H1-8: variants seen among roughly 807,000 people sequenced by gnomAD.
The protein encoded by H1-8 is histone H1.8.
A neutral mutation model predicts 19.5 loss-of-function variants in H1-8; 13 were observed. That is an observed-to-expected ratio of 0.67 (90% CI 0.43 to 1.06). H1-8 has a LOEUF of 1.06. H1-8 is among the 50% of genes least tolerant of loss of function. The pLI, the probability that H1-8 is intolerant of heterozygous loss-of-function variation, is 0.00. For missense variants in H1-8, 432 were observed against 459.8 expected, an observed-to-expected ratio of 0.94 and a Z score of 0.55; for synonymous variants, 193 against 187.6, an observed-to-expected ratio of 1.03 and a Z score of -0.24.
intron 1 of H1-8, among the ~76,000 whole-genome samples, chr3:129,544,528 TG>T: frequency 7.5e-6 from 1 of 132,734 alleles, no homozygotes; most frequent in African/African-American, 2.9e-5. Context: ...GTATGGGCAG[TG>T]GGGGCATGGG....
intron 1 of H1-8, among the ~76,000 whole-genome samples, chr3:129,546,037 G>C (rs1177474467): frequency 1.3e-5 from 2 of 151,846 alleles, no homozygotes; most frequent in African/African-American, 4.8e-5. Context: ...AGCACTTTGG[G>C]AGACTGAGGT....
intron 1 of H1-8, 30 bp downstream of exon 1, chr3:129,543,336 T>TC: frequency 6.5e-7 from 1 of 1,539,904 alleles, no homozygotes; most frequent in East Asian, 2.3e-5. Context: ...TCCTCCCTCA[T>TC]CCCTGCGAGC....
rs142251271 is a variant in H1-8, at chr3:129,548,405, C to T, written c.379-596C>T. On this transcript the variant is annotated intron_variant, in intron 2 of 4. Coordinates refer to ENST00000324382, the MANE Select transcript of H1-8 (RefSeq NM_153833.3). ...GGACTTGCGTCACAGCAGGACCAGGCGGCTAAGCAGGGAGAAGAGCCAGAG... is the reference window on the plus strand; with the variant it reads ...GGACTTGCGTCACAGCAGGACCAGGTGGCTAAGCAGGGAGAAGAGCCAGAG... 735 of 986,590 alleles carry T rather than the reference C, an allele frequency of 7.4e-4. 8 individuals are homozygous for T. The African/African-American group carries it at 0.012, about 16-fold the overall frequency. The allele number at this position is 986,590 out of a possible 1,614,324, so 61.1% of individuals were successfully genotyped here.
At position 129,549,330 on chromosome 3, in the gene H1-8, G is replaced by A. The variant is rs2084916493; in HGVS notation, c.708G>A (p.Arg236=). The part of the protein sequence containing the change: ...RAPSSAGGLS[R]KAKAKGSRSS... ...CTTCCAGTGCTGGTGGGCTCAGCAG[G>A]AAGGCAAAGGCCAAAGGCAGCAGGA... Residue 236 remains arginine (R), a synonymous_variant, in exon 3 of 5, where the codon AGG becomes AGA. Coordinates refer to ENST00000324382, the MANE Select transcript of H1-8 (RefSeq NM_153833.3). 6.2e-7 allele frequency: 1 copy of A among 1,605,824 alleles called. No individual in the cohort carries two copies. The highest frequency in any genetic ancestry group is 8.5e-7 in the Non-Finnish European group (1 of 1,177,288).
In H1-8 at chr3:129,549,049, G is replaced by T. The variant is rs149670868; in HGVS notation, c.427G>T (p.Ala143Ser). ...AATCCAGCCCAGGAAGATGGCCCCC[G>T]CGACGGCTCCCAGGAGAGCGGGTGA... Reference protein sequence around the residue: ...KKIQPRKMAPATAPRRAGEAK... With the variant: ...KKIQPRKMAPSTAPRRAGEAK... The change falls in exon 3 of 5, where the codon GCG becomes TCG. Residue 143 changes from alanine to serine, a missense_variant. Transcript: ENST00000324382. 6.2e-7 allele frequency: 1 copy of T among 1,612,748 alleles called. No individual in the cohort carries two copies. The highest frequency in any genetic ancestry group is 1.3e-5 in the African/African-American group (1 of 74,832).
chr3:129,548,277 G>A (rs2084904994), intron 2 of H1-8: 1 of 956,552 alleles, frequency 1.0e-6, no homozygotes, highest in Non-Finnish European at 1.2e-6. Context: ...ATGGAATGCT[G>A]GGGAACATTC....
chr3:129,551,129 C>A lies in H1-8; in HGVS notation c.830C>A (p.Pro277Gln). ...ASKVKNGAAS[P>Q]TKKKVVAKAK... The stretch of plus-strand genomic sequence containing the variant: ...TAGGTCAAGAATGGTGCTGCTTCCC[C>A]GACCAAAAAGAAGGTGGTGGCCAAG... The change falls in exon 5 of 5, where the codon CCG (proline) becomes CAG (glutamine). Residue 277 changes from proline to glutamine, a missense_variant. Coordinates refer to ENST00000324382, the MANE Select transcript of H1-8 (RefSeq NM_153833.3). 3 of 1,613,908 alleles carry A rather than the reference C, an allele frequency of 1.9e-6. No individual in the cohort carries two copies. Among genetic ancestry groups the A allele is most frequent in the Non-Finnish European group, 2.5e-6 (3 of 1,179,974 alleles).
chr3:129,543,816 T>C (rs1191876966), intron 1 of H1-8, among the ~76,000 whole-genome samples: 2 of 152,242 alleles, frequency 1.3e-5, no homozygotes, highest in African/African-American at 4.8e-5. Flanking sequence ...CATGGCTTGT[T>C]GCTGTTTGCT....
At chr3:129,545,922 G>A (rs1000991740) in intron 1 of H1-8, among the ~76,000 whole-genome samples, 1 of 152,028 alleles carries the variant, frequency 6.6e-6, no homozygotes, top group Non-Finnish European at 1.5e-5. Context: ...GTGTGGACAT[G>A]CGTTTTCATT....
At chr3:129,550,250 A>C (rs1431897953) in intron 3 of H1-8, among the ~76,000 whole-genome samples, 1 of 152,156 alleles carries the variant, frequency 6.6e-6, no homozygotes, top group Non-Finnish European at 1.5e-5. Flanking sequence ...AAAAAATAAA[A>C]ATATTAGCTG....
In H1-8 at chr3:129,548,395, C is replaced by G. The variant is rs1345107694; in HGVS notation, c.379-606C>G. 3.0e-6 allele frequency: 3 copies of G among 986,586 alleles called. No individual in the cohort carries two copies. The East Asian group carries it at 3.4e-4, about 112-fold the overall frequency. The allele number at this position is 986,586 out of a possible 1,614,324, so 61.1% of individuals were successfully genotyped here. On this transcript the variant is annotated intron_variant, in intron 2 of 4. Coordinates refer to ENST00000324382, the MANE Select transcript of H1-8 (RefSeq NM_153833.3). ...GTCAGAGCCTGGACTTGCGTCACAGCAGGACCAGGCGGCTAAGCAGGGAGA... is the reference window on the plus strand; with the variant it reads ...GTCAGAGCCTGGACTTGCGTCACAGGAGGACCAGGCGGCTAAGCAGGGAGA...
rs569911795 is a variant in H1-8 at position 129,543,260 on chromosome 3, G to T, written c.42G>T (p.Ser14=). 2 of 1,613,664 alleles carry T rather than the reference G, an allele frequency of 1.2e-6. No individual in the cohort carries two copies. Among genetic ancestry groups the T allele is most frequent in the African/African-American group, 1.3e-5 (1 of 75,014 alleles). The change falls in exon 1 of 5, where the codon TCG becomes TCT. Residue 14 remains serine (S), a synonymous_variant. Coordinates refer to ENST00000324382, the MANE Select transcript of H1-8 (RefSeq NM_153833.3). ...GSVTSDISPS[S]TSTAGSSRSP... Reference sequence around the variant, plus strand: ...TCACCAGCGACATCTCACCCTCCTCGACTTCCACAGCAGGATCATCCAGGT... The same window carrying T: ...TCACCAGCGACATCTCACCCTCCTCTACTTCCACAGCAGGATCATCCAGGT...
intron 1 of H1-8, among the ~76,000 whole-genome samples, chr3:129,546,839 G>A (rs1367043007): frequency 6.6e-6 from 1 of 152,142 alleles, no homozygotes; most frequent in African/African-American, 2.4e-5. Context: ...CGGAGGTCCT[G>A]TAAACCCACA....
In H1-8 at chr3:129,549,380, G is replaced by T; in HGVS notation, c.742+16G>T. 3 of 1,555,242 alleles carry T rather than the reference G, an allele frequency of 1.9e-6. No individual in the cohort carries two copies. The highest frequency in any genetic ancestry group is 2.6e-6 in the Non-Finnish European group (3 of 1,155,518). On this transcript the variant is annotated intron_variant, in intron 3 of 4. Transcript: ENST00000324382. ...AGCAGCCAAGGTAGTTGTGTGACTT[G>T]TAGGGGGTGGTGTGGGGATGGGGGT...
chr3:129,547,513 G>A lies in H1-8; in HGVS notation c.211G>A (p.Gly71Ser). ...EALQAGEQRRGTSVAAIKLYI... is the reference protein window; with the variant it reads ...EALQAGEQRRSTSVAAIKLYI... ...GCTGCAGGCTGGGGAGCAGCGCCGG[G>A]GCACGTCGGTGGCAGCTATCAAGCT... Residue 71 changes from glycine to serine, a missense_variant, in exon 2 of 5, where the codon GGC (glycine) becomes AGC (serine). Coordinates refer to ENST00000324382, the MANE Select transcript of H1-8 (RefSeq NM_153833.3). 1 of 1,572,810 alleles carries A rather than the reference G, an allele frequency of 6.4e-7. No homozygotes were observed. Among genetic ancestry groups the A allele is most frequent in the Non-Finnish European group, 8.6e-7 (1 of 1,159,244 alleles).
chr3:129,543,440 C>T (rs1019618122), intron 1 of H1-8, 134 bp downstream of exon 1: 24 of 665,458 alleles, frequency 3.6e-5, no homozygotes, highest in Admixed American at 3.2e-4. Flanking sequence ...CAGCACTCAC[C>T]CAGCACTCAC....
intron 2 of H1-8, 42 bp downstream of exon 2, chr3:129,547,722 A>G (rs899723458): frequency 6.7e-7 from 1 of 1,493,660 alleles, no homozygotes; most frequent in Non-Finnish European, 8.9e-7. Context: ...GGTTGGAGCA[A>G]TGGTCCTGGC....
chr3:129,546,124 A>G lies in H1-8; in HGVS notation c.89-1267A>G, dbSNP rs1044249510. ...AGACCTGTGTCAAATAACAATAACA[A>G]TAATAATAATAATAATAATAATAAT... On this transcript the variant is annotated intron_variant, in intron 1 of 4. Transcript: ENST00000324382. 3.4e-5 allele frequency among the ~76,000 whole-genome samples: 3 copies of G among 87,552 alleles called. No individual in the cohort carries two copies. The African/African-American group carries it at 3.6e-4, about 11-fold the overall frequency. 57.4% of individuals were successfully genotyped at this position (87,552 alleles called of 152,430 possible).
Position 129,549,094 on chromosome 3 carries a change from A to G in H1-8, c.472A>G (p.Lys158Glu), listed in dbSNP as rs2108755808. Residue 158 changes from lysine to glutamate, a missense_variant, in exon 3 of 5, where the codon AAG (lysine) becomes GAG (glutamate). Physicochemically the swap from Lys to Glu is moderately conservative, Grantham distance 56. Transcript: ENST00000324382. ...GGGTGAGGCCAAGGGGAAGGGCCCC[A>G]AGAAACCAAGTGAGGCCAAGGAGGA... is the stretch of plus-strand genomic sequence containing the variant. Reference protein sequence around the residue: ...RAGEAKGKGPKKPSEAKEDPP... With the variant: ...RAGEAKGKGPEKPSEAKEDPP... The G allele has an allele frequency of 6.2e-7, 1 of 1,606,404 alleles. No individual in the cohort carries two copies. Among genetic ancestry groups the G allele is most frequent in the African/African-American group, 1.3e-5 (1 of 74,820 alleles).
Sources: gnomAD v4.1 joint callset for allele counts (sites outside exome capture counted in the v4.1 genomes callset) on GRCh38, gnomAD v4.1.1 for gene constraint, MANE v1.5 for transcripts, NCBI Gene and HGNC (gene_info 2026-07-23, HGNC 2026-07-21) for gene names.